Variants in FARP2 observed in about 807,000 individuals in gnomAD.
The protein encoded by FARP2 is FERM, ARH/RhoGEF and pleckstrin domain protein 2.
FARP2 carries 111 observed loss-of-function variants against 130.5 expected under a neutral mutation model. That is an observed-to-expected ratio of 0.85 (90% confidence interval 0.73 to 1.00). The LOEUF (loss-of-function observed/expected upper bound fraction) is 1.00, where lower values mean the gene tolerates loss of function less well. FARP2 is among the 50% of genes least tolerant of loss of function. The probability of loss-of-function intolerance (pLI) is 0.00; values close to 1 mark genes in which losing one functional copy is unlikely to be tolerated. For synonymous variants in FARP2, 504 were observed against 516.9 expected, an observed-to-expected ratio of 0.98 and a Z score of 0.34; for missense variants, 1,385 against 1,346.3, an observed-to-expected ratio of 1.03 and a Z score of -0.45.
chr2:241,493,590 A>ATGCTT (rs1268450548), intron 26 of FARP2, 146 bp downstream of exon 26: 3 of 673,512 alleles, frequency 4.5e-6, no homozygotes, highest in East Asian at 5.5e-5. Flanking sequence ...AAAAACAGCA[A>ATGCTT]TGCTTTGTTT....
At chr2:241,420,030 A>T (rs2062766746) in intron 8 of FARP2, among the ~76,000 whole-genome samples, 1 of 152,176 alleles carries the variant, frequency 6.6e-6, no homozygotes, top group South Asian at 2.1e-4. Context: ...ATGTACCTGT[A>T]GTCCCAGCTA....
At chr2:241,400,038 T>C (rs1270473607) in intron 2 of FARP2, among the ~76,000 whole-genome samples, 2 of 152,216 alleles carry the variant, frequency 1.3e-5, no homozygotes, top group African/African-American at 4.8e-5. Flanking sequence ...GTGTTGGACA[T>C]TGCTGGTTAA....
chr2:241,427,102 G>T (rs2062958123), intron 8 of FARP2, among the ~76,000 whole-genome samples: 1 of 152,088 alleles, frequency 6.6e-6, no homozygotes, highest in Non-Finnish European at 1.5e-5. Flanking sequence ...AGGTGTGGTG[G>T]CAGGTGCCTG....
intron 2 of FARP2, among the ~76,000 whole-genome samples, chr2:241,388,529 CAAAT>C (rs997697314): frequency 1.3e-4 from 20 of 151,950 alleles, no homozygotes; most frequent in Admixed American, 1.0e-3. Context: ...GATAAAAGAA[CAAAT>C]AAAGATGCTA....
At chr2:241,366,125 A>ATATATATATATGTATATATATATACG (rs2061311223) in intron 1 of FARP2, among the ~76,000 whole-genome samples, 2 of 67,368 alleles carry the variant, frequency 3.0e-5, no homozygotes, top group African/African-American at 1.1e-4. Context: ...ATATATACGT[A>ATATATATATATGTATATATATATACG]TATATATATA....
rs1217059934 is a variant in FARP2, at chr2:241,468,158, CA to C, written c.1915del (p.Arg639AspfsTer6). On this transcript the variant is annotated frameshift_variant, in exon 18 of 27. Transcript: ENST00000264042. LOFTEE classifies it high-confidence loss of function. ...TCCACAGGAGTTTACCAGCTACTTC[CA>C]AAGACATGACGAGGTCCTAACAGAA... ...RQLKEFTSYF[Q>X]RHDEVLTELE... 14 of 1,613,446 alleles carry C rather than the reference CA, an allele frequency of 8.7e-6. No individual in the cohort carries two copies. Among genetic ancestry groups the C allele is most frequent in the Non-Finnish European group, 1.1e-5 (13 of 1,179,570 alleles).
chr2:241,487,960 G>A (rs566207913), intron 21 of FARP2, among the ~76,000 whole-genome samples: 3 of 151,790 alleles, frequency 2.0e-5, no homozygotes, highest in Non-Finnish European at 4.4e-5. Context: ...GTGTTAGGCA[G>A]GATGGTCTCG....
chr2:241,417,502 T>C (rs1373792217), intron 7 of FARP2, among the ~76,000 whole-genome samples: 2 of 152,166 alleles, frequency 1.3e-5, no homozygotes, highest in African/African-American at 4.8e-5. Context: ...TTTGTATTTT[T>C]AGCAGAGACA....
intron 2 of FARP2, among the ~76,000 whole-genome samples, chr2:241,382,290 C>CTCTTTTTTTTTTTTTTTTTTT (rs1553709361): frequency 7.9e-6 from 1 of 127,198 alleles, no homozygotes; most frequent in African/African-American, 2.8e-5. Flanking sequence ...TGTACAAAAT[C>CTCTTTTTTTTTTTTTTTTTTT]TATTTTTTTT....
At chr2:241,425,937 TA>T (rs200358415) in intron 8 of FARP2, among the ~76,000 whole-genome samples, 3,243 of 151,594 alleles carry the variant, frequency 0.021, 113 homozygotes, top group African/African-American at 0.068. Flanking sequence ...ATTTTTTTTT[TA>T]AATTTGGTGT....
intron 8 of FARP2, 94 bp from the exon 9 acceptor site, chr2:241,431,585 T>C: frequency 1.4e-6 from 1 of 703,126 alleles, no homozygotes; most frequent in South Asian, 1.6e-5. Flanking sequence ...TAGAGTGCTG[T>C]GTTGGCAAGG....
At chr2:241,397,446 A>C (rs2062058345) in intron 2 of FARP2, among the ~76,000 whole-genome samples, 3 of 152,208 alleles carry the variant, frequency 2.0e-5, no homozygotes, top group African/African-American at 7.2e-5. Context: ...CTTAACTTGC[A>C]TACAGTGATC....
chr2:241,443,096 A>G, intron 13 of FARP2: 1 of 254,624 alleles, frequency 3.9e-6, no homozygotes, highest in Non-Finnish European at 7.7e-6. Flanking sequence ...CTGAGACCCT[A>G]AGGCCCCCGT....
chr2:241,442,474 T>A, intron 13 of FARP2: 1 of 456,540 alleles, frequency 2.2e-6, no homozygotes, highest in South Asian at 1.5e-5. Flanking sequence ...CCCTTTTGAT[T>A]TACAGAACAA....
intron 1 of FARP2, among the ~76,000 whole-genome samples, chr2:241,370,464 G>A (rs2061399999): frequency 6.6e-6 from 1 of 152,074 alleles, no homozygotes; most frequent in Non-Finnish European, 1.5e-5. Flanking sequence ...TATGTTAATT[G>A]CCTCAATTTG....
intron 8 of FARP2, among the ~76,000 whole-genome samples, chr2:241,427,900 G>C (rs1392953968): frequency 1.3e-5 from 2 of 152,088 alleles, no homozygotes; most frequent in African/African-American, 4.8e-5. Flanking sequence ...CGAGTAGCTG[G>C]GACTTAGAGG....
chr2:241,489,247 G>T (rs989930494), intron 21 of FARP2: 3 of 152,214 alleles, frequency 2.0e-5, no homozygotes. Flanking sequence ...ACTGGCCCTC[G>T]TTCCTGACTG....
At chr2:241,460,934 G>A (rs1209865633) in intron 14 of FARP2, among the ~76,000 whole-genome samples, 1 of 152,190 alleles carries the variant, frequency 6.6e-6, no homozygotes, top group Non-Finnish European at 1.5e-5. Flanking sequence ...TCAGTAGACT[G>A]TAGGGTGCTA....
intron 2 of FARP2, among the ~76,000 whole-genome samples, chr2:241,379,888 G>A (rs996199309): frequency 6.6e-6 from 1 of 152,196 alleles, no homozygotes; most frequent in African/African-American, 2.4e-5. Context: ...TTGGAAAGTT[G>A]ATCTATTCCT....
Sources: gnomAD v4.1 joint callset for allele counts (sites outside exome capture counted in the v4.1 genomes callset) on GRCh38, gnomAD v4.1.1 for gene constraint, MANE v1.5 for transcripts, NCBI Gene and HGNC (gene_info 2026-07-23, HGNC 2026-07-21) for gene names.